Variants in PLPP3 observed in about 807,000 individuals in gnomAD.
PLPP3 encodes the protein phospholipid phosphatase 3.
PLPP3 carries 6 observed loss-of-function variants against 29.6 expected under a neutral mutation model. The observed-to-expected ratio is 0.20, with a 90% CI of 0.11 to 0.40. The LOEUF (loss-of-function observed/expected upper bound fraction) is 0.40. Ranked by LOEUF, PLPP3 falls within the 10% of genes least tolerant of loss-of-function variation. The pLI is 1.00. For synonymous variants in PLPP3, 152 were observed against 159.7 expected (o/e 0.95, Z 0.36); for missense variants, 308 against 407.7 (o/e 0.76, Z 2.11).
At chr1:56,496,728 G>A (rs768291947) in intron 5 of PLPP3, 52 bp from the exon 6 acceptor site, 1 of 1,601,640 alleles carries the variant, frequency 6.2e-7, no homozygotes, top group Non-Finnish European at 8.5e-7. Flanking sequence ...GGGGGTCTGG[G>A]TACAGAGGGA....
chr1:56,537,604 C>T (rs1295760467), intron 1 of PLPP3, among the ~76,000 whole-genome samples: 1 of 152,126 alleles, frequency 6.6e-6, no homozygotes, highest in Non-Finnish European at 1.5e-5. Context: ...TCCAGCACTT[C>T]CTCTGGTTCC....
intron 2 of PLPP3, among the ~76,000 whole-genome samples, chr1:56,525,297 CT>C (rs1645845578): frequency 6.6e-6 from 1 of 152,172 alleles, no homozygotes; most frequent in Non-Finnish European, 1.5e-5. Context: ...AACTAAGAAA[CT>C]TGTAGTACGA....
At chr1:56,542,859 C>CA (rs967767811) in intron 1 of PLPP3, among the ~76,000 whole-genome samples, 2 of 151,408 alleles carry the variant, frequency 1.3e-5, no homozygotes, top group Admixed American at 6.6e-5. Context: ...CCGTCTCTAC[C>CA]AAAAAAACAA....
intron 2 of PLPP3, among the ~76,000 whole-genome samples, chr1:56,536,469 T>C (rs773869460): frequency 2.0e-5 from 3 of 152,162 alleles, no homozygotes; most frequent in Non-Finnish European, 4.4e-5. Context: ...TGGTTTACGA[T>C]GTTATTAAAA....
intron 4 of PLPP3, among the ~76,000 whole-genome samples, chr1:56,518,744 C>G (rs1179646695): frequency 9.2e-6 from 1 of 108,290 alleles, no homozygotes; most frequent in Admixed American, 9.1e-5. Context: ...TAGACAGGGT[C>G]TCACTATGTT....
intron 2 of PLPP3, among the ~76,000 whole-genome samples, chr1:56,534,368 C>T (rs776382384): frequency 2.6e-5 from 4 of 152,148 alleles, no homozygotes; most frequent in East Asian, 1.9e-4. Flanking sequence ...CTCCATAACG[C>T]GTGATGATTT....
chr1:56,510,221 G>A (rs1465294310), intron 5 of PLPP3, among the ~76,000 whole-genome samples: 1 of 152,172 alleles, frequency 6.6e-6, no homozygotes, highest in Non-Finnish European at 1.5e-5. Context: ...AGTCAGCAAA[G>A]GGTTACCCTT....
intron 1 of PLPP3, among the ~76,000 whole-genome samples, chr1:56,561,735 G>A (rs1429589497): frequency 6.6e-6 from 1 of 152,128 alleles, no homozygotes; most frequent in Admixed American, 6.6e-5. Flanking sequence ...CTATCAAGAG[G>A]TAAGTAGCTT....
chr1:56,498,818 G>C (rs1481648181), intron 5 of PLPP3, among the ~76,000 whole-genome samples: 2 of 152,024 alleles, frequency 1.3e-5, no homozygotes, highest in Non-Finnish European at 2.9e-5. Context: ...ATTTTTAGTA[G>C]AGACGGGGTT....
chr1:56,521,940 A>T (rs1365252931), intron 4 of PLPP3, among the ~76,000 whole-genome samples: 1 of 152,198 alleles, frequency 6.6e-6, no homozygotes, highest in Non-Finnish European at 1.5e-5. Flanking sequence ...CAACCATCAA[A>T]GCAAAAGGAG....
At chr1:56,502,663 C>A (rs1312902713) in intron 5 of PLPP3, among the ~76,000 whole-genome samples, 1 of 152,138 alleles carries the variant, frequency 6.6e-6, no homozygotes, top group Non-Finnish European at 1.5e-5. Context: ...TTGAACCACC[C>A]TTCTCTTCTC....
At chr1:56,548,055 G>C (rs1358705712) in intron 1 of PLPP3, among the ~76,000 whole-genome samples, 2 of 152,156 alleles carry the variant, frequency 1.3e-5, no homozygotes, top group Non-Finnish European at 2.9e-5. Context: ...CAACTGGCTT[G>C]ACTGGTTTCC....
chr1:56,557,026 A>AGAGAAAGAG lies in PLPP3; in HGVS notation c.140-19915_140-19914insCTCTTTCTC, dbSNP rs1646085318. ...AGAAAGAAAGAGAGAGAGAGAGAGA[A>AGAGAAAGAG]AGAGAGAGAGAGAGAGAGAGAGAGA... is the stretch of plus-strand genomic sequence containing the variant. On this transcript the variant is annotated intron_variant, in intron 1 of 5. Coordinates refer to ENST00000371250, the MANE Select transcript of PLPP3 (RefSeq NM_003713.5). Among the ~76,000 whole-genome samples, 30 of 9,522 alleles carry AGAGAAAGAG rather than the reference A, an allele frequency of 3.2e-3. 5 individuals carry two copies. Among genetic ancestry groups the AGAGAAAGAG allele is most frequent in the African/African-American group, 6.5e-3 (26 of 4,018 alleles). 6.2% of individuals were successfully genotyped at this position (9,522 alleles called of 152,430 possible).
At chr1:56,551,813 C>G (rs1646041444) in intron 1 of PLPP3, among the ~76,000 whole-genome samples, 1 of 152,192 alleles carries the variant, frequency 6.6e-6, no homozygotes, top group Non-Finnish European at 1.5e-5. Context: ...ACTTCAAAAG[C>G]CTCACAAAAC....
intron 5 of PLPP3, among the ~76,000 whole-genome samples, chr1:56,507,334 A>G (rs1379172462): frequency 6.6e-6 from 1 of 152,242 alleles, no homozygotes; most frequent in African/African-American, 2.4e-5. Context: ...AGGTGAGGAA[A>G]CTAGGCCCAG....
chr1:56,560,056 C>A (rs1220747723), intron 1 of PLPP3, among the ~76,000 whole-genome samples: 4 of 152,178 alleles, frequency 2.6e-5, no homozygotes, highest in Non-Finnish European at 4.4e-5. Context: ...CCCCAGAGCC[C>A]CTCAAACATA....
chr1:56,555,997 T>C (rs928491572), intron 1 of PLPP3, among the ~76,000 whole-genome samples: 3 of 152,200 alleles, frequency 2.0e-5, no homozygotes, highest in Non-Finnish European at 2.9e-5. Flanking sequence ...GTATTTTCTA[T>C]TCATGAGTAG....
intron 1 of PLPP3, among the ~76,000 whole-genome samples, chr1:56,543,983 A>C (rs1210470648): frequency 6.6e-6 from 1 of 152,154 alleles, no homozygotes; most frequent in African/African-American, 2.4e-5. Flanking sequence ...TTTCCTAAGT[A>C]CTGAGTACTG....
intron 1 of PLPP3, among the ~76,000 whole-genome samples, chr1:56,539,307 C>T (rs888876140): frequency 7.9e-5 from 12 of 152,116 alleles, no homozygotes; most frequent in Non-Finnish European, 1.8e-4. Context: ...TCCCAGACCA[C>T]CTCTAAAAAA....
Sources: gnomAD v4.1 joint callset for allele counts (sites outside exome capture counted in the v4.1 genomes callset) on GRCh38, gnomAD v4.1.1 for gene constraint, MANE v1.5 for transcripts, NCBI Gene and HGNC (gene_info 2026-07-23, HGNC 2026-07-21) for gene names.